PDE1C: variants seen among roughly 807,000 people sequenced by gnomAD.
PDE1C encodes the protein phosphodiesterase 1C, also known as dual specificity calcium/calmodulin-dependent 3',5'-cyclic nucleotide phosphodiesterase 1C.
Under a neutral mutation model 93.1 loss-of-function variants are expected in PDE1C, and 62 were observed. That is an observed-to-expected ratio of 0.67 (90% CI 0.54 to 0.82). The LOEUF (loss-of-function observed/expected upper bound fraction) is 0.82, where lower values mean the gene tolerates loss of function less well. PDE1C is among the 40% of genes least tolerant of loss of function. The pLI is 0.00. For synonymous variants in PDE1C, 325 were observed against 310.1 expected (o/e 1.05, Z -0.50); for missense variants, 742 against 884.6 (o/e 0.84, Z 2.04).
chr7:32,196,855 G>C (rs1410905454), intron 2 of PDE1C, among the ~76,000 whole-genome samples: 1 of 152,166 alleles, frequency 6.6e-6, no homozygotes, highest in African/African-American at 2.4e-5. Flanking sequence ...GTGGAATTTG[G>C]TGACTGATGA....
intron 2 of PDE1C, among the ~76,000 whole-genome samples, chr7:32,042,793 CAG>C (rs1019747576): frequency 6.6e-6 from 1 of 152,150 alleles, no homozygotes; most frequent in African/African-American, 2.4e-5. Context: ...AGTTAAACAG[CAG>C]AGAGTGCCCA....
intron 15 of PDE1C, among the ~76,000 whole-genome samples, chr7:31,814,724 C>T (rs1400123548): frequency 1.3e-5 from 2 of 148,256 alleles, no homozygotes; most frequent in Non-Finnish European, 3.0e-5. Context: ...TCAATACATG[C>T]TATTTGTTGT....
chr7:31,971,349 G>C (rs574056797), intron 2 of PDE1C, among the ~76,000 whole-genome samples: 1 of 152,234 alleles, frequency 6.6e-6, no homozygotes, highest in South Asian at 2.1e-4. Flanking sequence ...CCTGGGAACT[G>C]AAAGCTACAG....
At chr7:32,331,503 G>A (rs1448638362) in intron 1 of PDE1C, among the ~76,000 whole-genome samples, 1 of 152,192 alleles carries the variant, frequency 6.6e-6, no homozygotes, top group Admixed American at 6.5e-5. Flanking sequence ...AGAACTTTGA[G>A]TAGGGGTTCC....
At chr7:32,299,104 A>T in exon 1 of PDE1C, 1 of 1,052,470 alleles carries the variant, frequency 9.5e-7, no homozygotes, top group Non-Finnish European at 1.1e-6. Context: ...TCAGCCGCGG[A>T]TCCCGCGCGC....
chr7:31,784,796 C>T (rs569955597), intron 16 of PDE1C: 1 of 152,006 alleles, frequency 6.6e-6, no homozygotes, highest in Admixed American at 6.5e-5. Flanking sequence ...AAAATATCAT[C>T]AAAGCAAGAA....
intron 1 of PDE1C, among the ~76,000 whole-genome samples, chr7:32,415,040 A>G (rs1785245975): frequency 1.3e-5 from 2 of 152,206 alleles, no homozygotes; most frequent in African/African-American, 4.8e-5. Flanking sequence ...TTAAGAAAAT[A>G]CACTTCTGGC....
At chr7:31,717,248 T>G in the PDE1C span, among the ~76,000 whole-genome samples, 1 of 152,252 alleles carries the variant, frequency 6.6e-6, no homozygotes, top group African/African-American at 2.4e-5. Context: ...TTGAATTTCT[T>G]TATACATTTA....
chr7:32,285,289 T>G (rs533692132), intron 1 of PDE1C, among the ~76,000 whole-genome samples: 70 of 152,290 alleles, frequency 4.6e-4, no homozygotes, highest in African/African-American at 1.6e-3. Flanking sequence ...TTTGGAAAAG[T>G]TTGGCAGTTC....
chr7:32,046,910 A>G (rs1220907741), intron 2 of PDE1C, among the ~76,000 whole-genome samples: 1 of 152,152 alleles, frequency 6.6e-6, no homozygotes, highest in Admixed American at 6.5e-5. Context: ...CATTCTGACC[A>G]AAGTATTTCC....
the PDE1C span, chr7:31,658,471 T>C: frequency 9.3e-6 from 12 of 1,287,104 alleles, no homozygotes. Context: ...TGTAAAGAGG[T>C]TAGAGTATCA....
At chr7:32,175,902 A>G (rs1292397563) in intron 2 of PDE1C, among the ~76,000 whole-genome samples, 1 of 152,226 alleles carries the variant, frequency 6.6e-6, no homozygotes, top group Non-Finnish European at 1.5e-5. Flanking sequence ...GAATGCAATT[A>G]ATTATGGCCC....
intron 3 of PDE1C, among the ~76,000 whole-genome samples, chr7:32,151,333 C>T (rs1272624612): frequency 6.6e-6 from 1 of 152,150 alleles, no homozygotes; most frequent in Admixed American, 6.5e-5. Context: ...TATTTATTGC[C>T]CAGAACTAAT....
the PDE1C span, among the ~76,000 whole-genome samples, chr7:31,711,653 C>A: frequency 5.9e-5 from 9 of 152,166 alleles, no homozygotes; most frequent in Admixed American, 2.0e-4. Flanking sequence ...ATATGTTCAA[C>A]TTTCCAGTAC....
In PDE1C at chr7:31,806,266, G is replaced by A. The variant is rs182200700; in HGVS notation, c.1891+2765C>T. On this transcript the variant is annotated intron_variant, in intron 16 of 17. Transcript: ENST00000396191. ...GTTAATGTGATCAAGTAAAGTTAAC[G>A]GCAAGTTTGTATTTCTGGATAGCTA... Among the ~76,000 whole-genome samples, 260 of 152,028 alleles carry A rather than the reference G, an allele frequency of 1.7e-3. 1 individual carries two copies. The highest frequency in any genetic ancestry group is 6.1e-3 in the African/African-American group (252 of 41,512).
chr7:31,775,837 T>C (rs2128630538), intron 16 of PDE1C, 105 bp from the exon 17 acceptor site: 6 of 961,372 alleles, frequency 6.2e-6, no homozygotes, highest in South Asian at 4.3e-5. Context: ...CTGAAAACAA[T>C]GTTTAGAAGC....
At chr7:32,067,946 TGGA>T (rs1795593795) in intron 1 of PDE1C, among the ~76,000 whole-genome samples, 1 of 152,142 alleles carries the variant, frequency 6.6e-6, no homozygotes, top group Non-Finnish European at 1.5e-5. Flanking sequence ...TACATTCTAA[TGGA>T]GGAGATGAAA....
chr7:31,764,856 TA>T (rs1262295460), intron 17 of PDE1C, among the ~76,000 whole-genome samples: 1 of 152,240 alleles, frequency 6.6e-6, no homozygotes, highest in Non-Finnish European at 1.5e-5. Flanking sequence ...TCACATTCAG[TA>T]ACCTTCATAA....
intron 3 of PDE1C, among the ~76,000 whole-genome samples, chr7:32,136,846 G>A (rs999857759): frequency 3.3e-5 from 5 of 152,068 alleles, no homozygotes; most frequent in African/African-American, 9.7e-5. Flanking sequence ...CCCTCCTTTC[G>A]CAAAAATTAT....
Sources: gnomAD v4.1 joint callset for allele counts (sites outside exome capture counted in the v4.1 genomes callset) on GRCh38, gnomAD v4.1.1 for gene constraint, MANE v1.5 for transcripts, NCBI Gene and HGNC (gene_info 2026-07-23, HGNC 2026-07-21) for gene names.